The following SEMG1 variants were observed in gnomAD, a reference collection of about 807,000 sequenced individuals.
The protein encoded by SEMG1 is semenogelin 1, also known as semenogelin-1.
SEMG1 carries 6 observed loss-of-function variants against 8.8 expected under a neutral mutation model. The observed-to-expected ratio is 0.68, with a 90% CI of 0.37 to 1.35. The LOEUF is 1.35. Ranked by LOEUF, SEMG1 falls within the 40% of genes most tolerant of loss-of-function variation. The probability of loss-of-function intolerance (pLI) is 0.02; values close to 1 mark genes in which losing one functional copy is unlikely to be tolerated. For synonymous variants in SEMG1, 221 were observed against 190.3 expected (o/e 1.16, Z -1.33); for missense variants, 580 against 533.6 (o/e 1.09, Z -0.86).
Position 45,207,646 on chromosome 20 carries a change from G to A in SEMG1, c.349G>A (p.Asp117Asn). The change falls in exon 2 of 3, where the codon GAT becomes AAT. Residue 117 changes from aspartate to asparagine, a missense_variant. Asp to Asn is a conservative substitution (Grantham distance 23). Transcript: ENST00000372781. Reference protein sequence around the residue: ...LHNKQEGRDHDKSKGHFHRVV... With the variant: ...LHNKQEGRDHNKSKGHFHRVV... ...TAATAAACAAGAAGGCAGAGACCAT[G>A]ATAAATCAAAAGGTCATTTTCACAG... is the stretch of plus-strand genomic sequence containing the variant. The A allele has an allele frequency of 6.2e-7, 1 of 1,613,900 alleles. No homozygotes were observed.
At position 45,208,346 on chromosome 20, in the gene SEMG1, C is replaced by T; in HGVS notation, c.1049C>T (p.Ser350Phe). ...AAGGCAAATAAAATATCATACCAAT[C>T]TTCAAGTACGGAAGAAAGACGACTC... Reference protein sequence around the residue: ...SQKANKISYQSSSTEERRLHY... With the variant: ...SQKANKISYQFSSTEERRLHY... The change falls in exon 2 of 3, where the codon TCT (serine) becomes TTT (phenylalanine). Residue 350 changes from serine to phenylalanine, a missense_variant. Coordinates refer to ENST00000372781, the MANE Select transcript of SEMG1 (RefSeq NM_003007.5). The T allele has an allele frequency of 6.2e-7, 1 of 1,611,582 alleles. No homozygotes were observed. Among genetic ancestry groups the T allele is most frequent in the East Asian group, 2.2e-5 (1 of 44,860 alleles).
At chr20:45,209,419 C>T (rs1983794825) in intron 2 of SEMG1, among the ~76,000 whole-genome samples, 182 bp from the exon 3 acceptor site, 1 of 152,128 alleles carries the variant, frequency 6.6e-6, no homozygotes, top group African/African-American at 2.4e-5. Flanking sequence ...CAGTAAGTAA[C>T]ACTGCACTTG....
chr20:45,207,890 C>G lies in SEMG1; in HGVS notation c.593C>G (p.Thr198Ser). The stretch of plus-strand genomic sequence containing the variant: ...TCCCAAAGCAGTTATGTTCTCCAAA[C>G]TGAAGAGCTAGTAGCTAACAAACAA... ...GGSQSSYVLQ[T>S]EELVANKQQR... Residue 198 changes from threonine (T) to serine (S), a missense_variant, in exon 2 of 3, where the codon ACT (threonine) becomes AGT (serine). Coordinates refer to ENST00000372781, the MANE Select transcript of SEMG1 (RefSeq NM_003007.5). The G allele has an allele frequency of 6.2e-7, 1 of 1,614,024 alleles. No homozygotes were observed. Among genetic ancestry groups the G allele is most frequent in the Non-Finnish European group, 8.5e-7 (1 of 1,179,972 alleles).
Position 45,207,833 on chromosome 20 carries a change from C to T in SEMG1, c.536C>T (p.Ser179Phe). 6.2e-7 allele frequency: 1 copy of T among 1,613,734 alleles called. No homozygotes were observed. Among genetic ancestry groups the T allele is most frequent in the African/African-American group, 1.3e-5 (1 of 75,002 alleles). ...HGLSKEQTSVSGAQKGRKQGG... is the reference protein window; with the variant it reads ...HGLSKEQTSVFGAQKGRKQGG... ...CTAAGTAAAGAACAAACTTCCGTCT[C>T]TGGTGCACAAAAAGGTAGAAAACAA... Residue 179 changes from serine to phenylalanine, a missense_variant, in exon 2 of 3, where the codon TCT becomes TTT. By Grantham distance (155) the Ser-to-Phe change is radical. Coordinates refer to ENST00000372781, the MANE Select transcript of SEMG1 (RefSeq NM_003007.5).
At chr20:45,207,352 C>A (rs1479087655) in intron 1 of SEMG1, 22 bp from the exon 2 acceptor site, 2 of 1,568,964 alleles carry the variant, frequency 1.3e-6, no homozygotes, top group African/African-American at 2.7e-5. Context: ...TGAATGCATA[C>A]CTTCTTATTA....
In SEMG1 at chr20:45,207,901, G is replaced by C; in HGVS notation, c.604G>C (p.Val202Leu). Reference sequence around the variant, plus strand: ...TTATGTTCTCCAAACTGAAGAGCTAGTAGCTAACAAACAACAACGTGAGAC... The same window carrying C: ...TTATGTTCTCCAAACTGAAGAGCTACTAGCTAACAAACAACAACGTGAGAC... ...SSYVLQTEEL[V>L]ANKQQRETKN... is the part of the protein sequence containing the mutation. Residue 202 changes from valine (V) to leucine (L), a missense_variant, in exon 2 of 3, where the codon GTA (valine) becomes CTA (leucine). Coordinates refer to ENST00000372781, the MANE Select transcript of SEMG1 (RefSeq NM_003007.5). The C allele has an allele frequency of 6.2e-7, 1 of 1,614,074 alleles. No individual in the cohort carries two copies. The highest frequency in any genetic ancestry group is 2.2e-5 in the East Asian group (1 of 44,882).
At position 45,209,496 on chromosome 20, in the gene SEMG1, G is replaced by A. The variant is rs556260846; in HGVS notation, c.*45-105G>A. ...CTAGTGGCCTGGTATCCTAGTAGTA[G>A]AGGGCTGGTACAGTTGGAGCTGAAG... On this transcript the variant is annotated intron_variant, in intron 2 of 2. Coordinates refer to ENST00000372781, the MANE Select transcript of SEMG1 (RefSeq NM_003007.5). 7.2e-5 allele frequency: 11 copies of A among 152,466 alleles called. 2 individuals are homozygous for A. The highest frequency in any genetic ancestry group is 2.4e-4 in the African/African-American group (10 of 41,562). The allele number at this position is 152,466 out of a possible 1,614,324, so 9.4% of individuals were successfully genotyped here. A position where few individuals can be genotyped will look rare whatever the true frequency, so the allele number is the denominator to read the frequency against.
At position 45,208,317 on chromosome 20, in the gene SEMG1, C is replaced by A; in HGVS notation, c.1020C>A (p.Ser340Arg). 1.2e-6 allele frequency: 2 copies of A among 1,610,806 alleles called. No individual in the cohort carries two copies. The highest frequency in any genetic ancestry group is 1.7e-6 in the Non-Finnish European group (2 of 1,178,566). The change falls in exon 2 of 3, where the codon AGC (serine) becomes AGA (arginine). Residue 340 changes from serine to arginine, a missense_variant. Ser to Arg is a moderately radical substitution (Grantham distance 110, BLOSUM62 -1). Coordinates refer to ENST00000372781, the MANE Select transcript of SEMG1 (RefSeq NM_003007.5). ...TTCCCAGTCAAGAGCAAGAGCATAGCCAAAAGGCAAATAAAATATCATACC... is the reference window on the plus strand; with the variant it reads ...TTCCCAGTCAAGAGCAAGAGCATAGACAAAAGGCAAATAAAATATCATACC... ...ITIPSQEQEH[S>R]QKANKISYQS... is the part of the protein sequence containing the mutation.
At position 45,207,720 on chromosome 20, in the gene SEMG1, T is replaced by A. The variant is rs1983731524; in HGVS notation, c.423T>A (p.Asn141Lys). 1 of 1,613,766 alleles carries A rather than the reference T, an allele frequency of 6.2e-7. No individual in the cohort carries two copies. Among genetic ancestry groups the A allele is most frequent in the Non-Finnish European group, 8.5e-7 (1 of 1,179,906 alleles). Reference protein sequence around the residue: ...KGGKAHRGTQNPSQDQGNSPS... With the variant: ...KGGKAHRGTQKPSQDQGNSPS... ...GCAAAGCTCATCGTGGGACACAAAATCCTTCTCAAGATCAGGGGAATAGCC... is the reference window on the plus strand; with the variant it reads ...GCAAAGCTCATCGTGGGACACAAAAACCTTCTCAAGATCAGGGGAATAGCC... Residue 141 changes from asparagine (N) to lysine (K), a missense_variant, in exon 2 of 3, where the codon AAT becomes AAA. Transcript: ENST00000372781.
chr20:45,209,131 T>G lies in SEMG1; in HGVS notation c.*44+401T>G, dbSNP rs150786210. ...TATATAGTATAAAGGATTACAGCCA[T>G]TAATGTTTTCTTTCTGCACACCAGT... On this transcript the variant is annotated intron_variant, in intron 2 of 2. Coordinates refer to ENST00000372781, the MANE Select transcript of SEMG1 (RefSeq NM_003007.5). Among the ~76,000 whole-genome samples, 66 of 152,320 alleles carry G rather than the reference T, an allele frequency of 4.3e-4. 1 individual carries two copies. The highest frequency in any genetic ancestry group is 1.6e-3 in the African/African-American group (66 of 41,574).
chr20:45,207,257 C>G (rs752017443), intron 1 of SEMG1, 117 bp from the exon 2 acceptor site: 1 of 1,474,974 alleles, frequency 6.8e-7, no homozygotes, highest in Non-Finnish European at 9.2e-7. Context: ...TTTTCTCCAC[C>G]CAAAGCTTCA....
chr20:45,208,827 G>A (rs759580376), intron 2 of SEMG1, 97 bp downstream of exon 2: 22 of 620,498 alleles, frequency 3.5e-5, no homozygotes, highest in Middle Eastern at 4.0e-4. Flanking sequence ...ACCATTGTTC[G>A]CACCAATAGA....
intron 1 of SEMG1, 27 bp downstream of exon 1, chr20:45,207,156 A>G: frequency 6.2e-7 from 1 of 1,613,372 alleles, no homozygotes; most frequent in Non-Finnish European, 8.5e-7. Flanking sequence ...AGCCTTGGGG[A>G]AAGCTGCTCA....
rs1181011384 is a variant in SEMG1 at position 45,208,422 on chromosome 20, T to C, written c.1125T>C (p.Tyr375=). The change falls in exon 2 of 3, where the codon TAT becomes TAC. Residue 375 remains tyrosine, a synonymous_variant. Transcript: ENST00000372781. ...AAGATGTATCCCAACGCAGTATTTATAGCCAAACTGAAAAGCTAGTAGCAG... is the reference window on the plus strand; with the variant it reads ...AAGATGTATCCCAACGCAGTATTTACAGCCAAACTGAAAAGCTAGTAGCAG... ...VQKDVSQRSI[Y]SQTEKLVAGK... is the part of the protein sequence containing the mutation. The C allele has an allele frequency of 6.2e-7, 1 of 1,614,050 alleles. No individual in the cohort carries two copies. Among genetic ancestry groups the C allele is most frequent in the South Asian group, 1.1e-5 (1 of 91,068 alleles).
At chr20:45,209,184 C>T (rs1983789099) in intron 2 of SEMG1, among the ~76,000 whole-genome samples, 1 of 152,146 alleles carries the variant, frequency 6.6e-6, no homozygotes, top group Non-Finnish European at 1.5e-5. Context: ...TGTTAGGGTT[C>T]ATCTATGCTC....
rs991866285 is a variant in SEMG1, at chr20:45,207,307, G to A, written c.77-67G>A. On this transcript the variant is annotated intron_variant, in intron 1 of 2. Transcript: ENST00000372781. ...ATCAATAATTTGTTGGGGGAAAAGT[G>A]GGGGGTAAGAGTTGTAAGGGAGCTT... 183 of 1,446,692 alleles carry A rather than the reference G, an allele frequency of 1.3e-4. 1 individual carries two copies. Among genetic ancestry groups the A allele is most frequent in the Non-Finnish European group, 1.6e-4 (172 of 1,060,252 alleles). The allele number at this position is 1,446,692 out of a possible 1,614,324, so 89.6% of individuals were successfully genotyped here.
At position 45,207,744 on chromosome 20, in the gene SEMG1, C is replaced by T. The variant is rs751183736; in HGVS notation, c.447C>T (p.Ser149=). Residue 149 remains serine (S), a synonymous_variant, in exon 2 of 3, where the codon AGC becomes AGT. Coordinates refer to ENST00000372781, the MANE Select transcript of SEMG1 (RefSeq NM_003007.5). ...ATCCTTCTCAAGATCAGGGGAATAGCCCATCTGGAAAGGGAATATCCAGTC... is the reference window on the plus strand; with the variant it reads ...ATCCTTCTCAAGATCAGGGGAATAGTCCATCTGGAAAGGGAATATCCAGTC... ...TQNPSQDQGN[S]PSGKGISSQY... 1.4e-5 allele frequency: 22 copies of T among 1,613,744 alleles called. No individual in the cohort carries two copies. The highest frequency in any genetic ancestry group is 1.7e-5 in the Non-Finnish European group (20 of 1,179,898).
chr20:45,207,352 C>G, intron 1 of SEMG1, 22 bp from the exon 2 acceptor site: 1 of 1,569,086 alleles, frequency 6.4e-7, no homozygotes, highest in Non-Finnish European at 8.7e-7. Flanking sequence ...TGAATGCATA[C>G]CTTCTTATTA....
chr20:45,207,459 G>A lies in SEMG1; in HGVS notation c.162G>A (p.Lys54=), dbSNP rs746807974. The A allele has an allele frequency of 4.3e-6, 7 of 1,613,740 alleles. No individual in the cohort carries two copies. Among genetic ancestry groups the A allele is most frequent in the South Asian group, 3.3e-5 (3 of 91,072 alleles). The change falls in exon 2 of 3, where the codon AAG becomes AAA. Residue 54 remains lysine (K), a synonymous_variant. Coordinates refer to ENST00000372781, the MANE Select transcript of SEMG1 (RefSeq NM_003007.5). ...KGQHYSGQKG[K]QQTESKGSFS... ...AGCACTATTCTGGACAAAAAGGCAA[G>A]CAACAAACTGAATCCAAAGGCAGTT...
Sources: allele counts gnomAD v4.1 joint callset (sites outside exome capture counted in the v4.1 genomes callset), GRCh38; gene constraint gnomAD v4.1.1; transcripts MANE v1.5; gene names NCBI Gene and HGNC (gene_info 2026-07-23, HGNC 2026-07-21).